Variants in ENOX2 observed in about 807,000 individuals in gnomAD.
ENOX2 encodes the protein ecto-NOX disulfide-thiol exchanger 2.
A neutral mutation model predicts 45.0 loss-of-function variants in ENOX2; 36 were observed. The observed-to-expected ratio is 0.80, with a 90% confidence interval of 0.61 to 1.06. The LOEUF is 1.06. Among genes scored for constraint, ENOX2 ranks in the 50% least tolerant of loss-of-function variants. The pLI, the probability that ENOX2 is intolerant of heterozygous loss-of-function variation, is 0.00. For synonymous variants in ENOX2, 174 were observed against 152.3 expected, an observed-to-expected ratio of 1.14 and a Z score of -1.05; for missense variants, 423 against 462.5, an observed-to-expected ratio of 0.91 and a Z score of 0.78.
intron 4 of ENOX2, among the ~76,000 whole-genome samples, chrX:130,699,506 A>G (rs1044633754): frequency 8.9e-6 from 1 of 112,026 alleles, no homozygotes; most frequent in African/African-American, 3.2e-5. Context: ...CCTGAGAAGC[A>G]TAAAAGTAGC....
intron 2 of ENOX2, among the ~76,000 whole-genome samples, chrX:130,846,641 AT>A (rs1269584605): frequency 8.9e-6 from 1 of 112,657 alleles, no homozygotes. Context: ...CCAGCCGGCA[AT>A]CTTTTACAAT....
At chrX:130,786,543 T>C (rs2076971794) in intron 2 of ENOX2, among the ~76,000 whole-genome samples, 1 of 77,490 alleles carries the variant, frequency 1.3e-5, no homozygotes, top group African/African-American at 4.8e-5. Context: ...CCCAATGCTA[T>C]CCCTCCCCCC....
intron 2 of ENOX2, among the ~76,000 whole-genome samples, chrX:130,870,833 T>C (rs1273618765): frequency 2.0e-5 from 2 of 99,602 alleles, no homozygotes; most frequent in Admixed American, 2.3e-4. Flanking sequence ...AAACAACTAT[T>C]GGGCTTGCCA....
At chrX:130,752,504 T>G (rs2039248572) in intron 3 of ENOX2, among the ~76,000 whole-genome samples, 1 of 110,591 alleles carries the variant, frequency 9.0e-6, no homozygotes, top group Non-Finnish European at 1.9e-5. Flanking sequence ...TCTGTCTCTC[T>G]AAGTGTCTTG....
chrX:130,859,267 G>C (rs1569320805), intron 2 of ENOX2, among the ~76,000 whole-genome samples: 3 of 112,180 alleles, frequency 2.7e-5, no homozygotes, highest in Non-Finnish European at 5.6e-5. Flanking sequence ...GGGAGGCGGA[G>C]GTTGCAGCAA....
At chrX:130,644,569 T>C (rs774955234) in intron 10 of ENOX2, among the ~76,000 whole-genome samples, 1 of 111,439 alleles carries the variant, frequency 9.0e-6, no homozygotes, top group South Asian at 3.7e-4. Context: ...TAAAAAGAAA[T>C]GAGCCATCAA....
chrX:130,858,114 CTTTTTTTTTT>C (rs772117481), intron 2 of ENOX2, among the ~76,000 whole-genome samples: 1 of 92,521 alleles, frequency 1.1e-5, no homozygotes, highest in African/African-American at 3.9e-5. Flanking sequence ...GGGCTTTTTC[CTTTTTTTTTT>C]TTTTTTTTTA....
At chrX:130,899,594 G>A (rs896432255) in intron 2 of ENOX2, among the ~76,000 whole-genome samples, 2 of 112,065 alleles carry the variant, frequency 1.8e-5, no homozygotes, top group East Asian at 2.8e-4. Context: ...AAGGGCTGTC[G>A]GGAAGGCTTC....
intron 2 of ENOX2, among the ~76,000 whole-genome samples, chrX:130,830,720 T>C (rs758975876): frequency 8.9e-6 from 1 of 111,893 alleles, no homozygotes; most frequent in Admixed American, 9.5e-5. Context: ...AATTCTAAAA[T>C]ACATCTTGAA....
chrX:130,686,824 C>T (rs993636420), intron 5 of ENOX2, among the ~76,000 whole-genome samples: 3 of 112,263 alleles, frequency 2.7e-5, no homozygotes, highest in South Asian at 3.7e-4. Context: ...AACAGAACAC[C>T]AGTTTACTTT....
chrX:130,881,537 G>T (rs1157827145), intron 2 of ENOX2, among the ~76,000 whole-genome samples: 2 of 111,937 alleles, frequency 1.8e-5, no homozygotes, highest in African/African-American at 3.3e-5. Context: ...CTTAGGTAAC[G>T]CTGTCACAGG....
intron 13 of ENOX2, 67 bp downstream of exon 13, chrX:130,631,401 G>A: frequency 4.9e-6 from 3 of 610,338 alleles, no homozygotes; most frequent in Non-Finnish European, 8.4e-6. Context: ...TTAATCTTAG[G>A]TAAAGCCCTC....
intron 2 of ENOX2, among the ~76,000 whole-genome samples, chrX:130,830,324 C>T (rs2077797936): frequency 9.0e-6 from 1 of 111,656 alleles, no homozygotes; most frequent in African/African-American, 3.3e-5. Context: ...CTGTATTAAA[C>T]TTGCTTTCCC....
chrX:130,759,916 T>C (rs1603341482), intron 3 of ENOX2, among the ~76,000 whole-genome samples: 1 of 111,563 alleles, frequency 9.0e-6, no homozygotes, highest in Non-Finnish European at 1.9e-5. Flanking sequence ...ATATTTACTA[T>C]ATTGTGATTT....
At chrX:130,638,431 AACACACACACACAC>A (rs34648095) in intron 10 of ENOX2, among the ~76,000 whole-genome samples, 20 of 92,782 alleles carry the variant, frequency 2.2e-4, no homozygotes, top group South Asian at 1.0e-3. Flanking sequence ...AACAATTTGA[AACACACACACACAC>A]ACACACACAC....
chrX:130,776,958 C>T (rs758209710), intron 3 of ENOX2, among the ~76,000 whole-genome samples: 4 of 111,982 alleles, frequency 3.6e-5, no homozygotes, highest in South Asian at 7.6e-4. Context: ...AAAACAGATA[C>T]GGGGCCTCCC....
Position 130,670,514 on chromosome X carries a change from C to T in ENOX2, c.461-316G>A, listed in dbSNP as rs376193843. ...CCTTACCTCTGGCTGAGGTTGGCTC[C>T]GTGGGTAATAGTATCAAGCATGATC... On this transcript the variant is annotated intron_variant, in intron 6 of 14. Coordinates refer to ENST00000394363, the MANE Select transcript of ENOX2 (RefSeq NM_006375.4). Among the ~76,000 whole-genome samples, 9 of 110,498 alleles carry T rather than the reference C, an allele frequency of 8.1e-5. No individual in the cohort carries two copies. The South Asian group carries it at 1.2e-3, about 15-fold the overall frequency.
chrX:130,664,760 G>A, intron 9 of ENOX2, among the ~76,000 whole-genome samples: 1 of 112,188 alleles, frequency 8.9e-6, no homozygotes. Flanking sequence ...CTACTGTGAG[G>A]CTCACACAGG....
intron 3 of ENOX2, among the ~76,000 whole-genome samples, chrX:130,714,545 C>T (rs2038278154): frequency 9.0e-6 from 1 of 111,514 alleles, no homozygotes; most frequent in East Asian, 2.8e-4. Context: ...AAGAATGATG[C>T]CACCCTTTCA....
Sources: allele counts gnomAD v4.1 joint callset (sites outside exome capture counted in the v4.1 genomes callset), GRCh38; gene constraint gnomAD v4.1.1; transcripts MANE v1.5; gene names NCBI Gene and HGNC (gene_info 2026-07-23, HGNC 2026-07-21).